Variants in L3MBTL4 observed in about 807,000 individuals in gnomAD.
The protein encoded by L3MBTL4 is L3MBTL histone methyl-lysine binding protein 4.
A neutral mutation model predicts 84.5 loss-of-function variants in L3MBTL4; 70 were observed. That is an observed-to-expected ratio of 0.83 (90% CI 0.68 to 1.01). The LOEUF (loss-of-function observed/expected upper bound fraction) is 1.01, where lower values mean the gene tolerates loss of function less well. L3MBTL4 is among the 50% of genes least tolerant of loss of function. The probability of loss-of-function intolerance (pLI) is 0.00; values close to 1 mark genes in which losing one functional copy is unlikely to be tolerated. For synonymous variants in L3MBTL4, 274 were observed against 259.8 expected, an observed-to-expected ratio of 1.05 and a Z score of -0.52; for missense variants, 715 against 754.8, an observed-to-expected ratio of 0.95 and a Z score of 0.62.
chr18:6,183,233 T>A (rs1020360185), intron 12 of L3MBTL4, among the ~76,000 whole-genome samples: 1 of 152,232 alleles, frequency 6.6e-6, no homozygotes, highest in African/African-American at 2.4e-5. Flanking sequence ...ACTACATGTC[T>A]GTGGGTGATA....
intron 10 of L3MBTL4, among the ~76,000 whole-genome samples, chr18:6,237,648 G>T (rs1354676788): frequency 3.3e-5 from 5 of 151,562 alleles, no homozygotes; most frequent in African/African-American, 7.3e-5. Flanking sequence ...TAGAGATGGG[G>T]TTTCACCATA....
intron 18 of L3MBTL4, among the ~76,000 whole-genome samples, chr18:5,959,406 C>T (rs1183309395): frequency 6.6e-6 from 1 of 152,192 alleles, no homozygotes; most frequent in Non-Finnish European, 1.5e-5. Flanking sequence ...TGGCAAGCCC[C>T]TGATACACAA....
chr18:5,960,816 C>CCATGCCCCCA (rs1159734462), intron 17 of L3MBTL4: 2 of 152,394 alleles, frequency 1.3e-5, no homozygotes, highest in East Asian at 3.8e-4. Flanking sequence ...CTCACCCTCA[C>CCATGCCCCCA]CATGCCCCCA....
intron 4 of L3MBTL4, among the ~76,000 whole-genome samples, chr18:6,280,042 A>C (rs1469262844): frequency 6.6e-6 from 1 of 152,230 alleles, no homozygotes; most frequent in East Asian, 1.9e-4. Flanking sequence ...AAATGTTTCA[A>C]ATAAATTCTT....
At chr18:6,177,574 G>A (rs930254735) in intron 12 of L3MBTL4, among the ~76,000 whole-genome samples, 3 of 152,180 alleles carry the variant, frequency 2.0e-5, no homozygotes, top group African/African-American at 4.8e-5. Context: ...ATCAAAATGC[G>A]TGCATGAAAT....
intron 14 of L3MBTL4, among the ~76,000 whole-genome samples, chr18:6,118,662 T>A (rs1231231246): frequency 6.6e-6 from 1 of 152,240 alleles, no homozygotes; most frequent in Non-Finnish European, 1.5e-5. Flanking sequence ...CAAACTCTTT[T>A]ACTTTTTCAC....
At chr18:6,279,611 T>C (rs1251902142) in intron 4 of L3MBTL4, among the ~76,000 whole-genome samples, 1 of 152,192 alleles carries the variant, frequency 6.6e-6, no homozygotes, top group African/African-American at 2.4e-5. Context: ...TTCCCACTGT[T>C]AACTGATTTC....
chr18:6,217,599 C>A (rs1333076978), intron 10 of L3MBTL4, among the ~76,000 whole-genome samples: 1 of 152,028 alleles, frequency 6.6e-6, no homozygotes, highest in Non-Finnish European at 1.5e-5. Context: ...CTGGTATATT[C>A]TTTTTAGTGA....
chr18:6,281,616 C>A (rs929016954), intron 4 of L3MBTL4, among the ~76,000 whole-genome samples: 2 of 152,292 alleles, frequency 1.3e-5, no homozygotes, highest in African/African-American at 4.8e-5. Context: ...TCTCAAGCAT[C>A]CTTTCTGTGT....
intron 1 of L3MBTL4, among the ~76,000 whole-genome samples, chr18:6,360,599 A>C (rs1026732294): frequency 6.6e-6 from 1 of 152,172 alleles, no homozygotes; most frequent in Non-Finnish European, 1.5e-5. Flanking sequence ...ACATTAGACC[A>C]CGAGATGGTG....
chr18:6,165,943 G>A (rs530957366), intron 13 of L3MBTL4, among the ~76,000 whole-genome samples: 64 of 152,118 alleles, frequency 4.2e-4, no homozygotes, highest in African/African-American at 1.3e-3. Flanking sequence ...CCCATCTCAC[G>A]TGCAGAGACA....
At chr18:6,322,501 G>GGAAA (rs1223121791) in intron 1 of L3MBTL4, among the ~76,000 whole-genome samples, 1 of 133,162 alleles carries the variant, frequency 7.5e-6, no homozygotes, top group African/African-American at 3.3e-5. Flanking sequence ...AAGGAAGGAA[G>GGAAA]GAAAGAAGGA....
chr18:6,379,078 G>A (rs2054492382), intron 1 of L3MBTL4, among the ~76,000 whole-genome samples: 1 of 152,030 alleles, frequency 6.6e-6, no homozygotes, highest in South Asian at 2.1e-4. Flanking sequence ...TCTCTTACTA[G>A]CAATTGTGAA....
At chr18:6,164,749 C>T (rs549427766) in intron 13 of L3MBTL4, among the ~76,000 whole-genome samples, 16 of 152,250 alleles carry the variant, frequency 1.1e-4, no homozygotes, top group Admixed American at 2.6e-4. Flanking sequence ...GCAGAAAAAC[C>T]GGAAACCCTA....
intron 16 of L3MBTL4, among the ~76,000 whole-genome samples, chr18:6,010,789 A>G (rs2054697629): frequency 6.6e-6 from 1 of 152,224 alleles, no homozygotes; most frequent in Non-Finnish European, 1.5e-5. Context: ...CTCACAAAAT[A>G]AAACATAGGA....
intron 16 of L3MBTL4, among the ~76,000 whole-genome samples, chr18:6,010,807 T>C (rs561842629): frequency 1.3e-5 from 2 of 152,202 alleles, no homozygotes; most frequent in South Asian, 4.1e-4. Flanking sequence ...GGATCTTCCC[T>C]GTGGGTTTAT....
chr18:6,362,190 A>AG (rs2053730318), intron 1 of L3MBTL4, among the ~76,000 whole-genome samples: 1 of 106,348 alleles, frequency 9.4e-6, no homozygotes, highest in African/African-American at 4.0e-5. Context: ...GAAGGAAGGA[A>AG]GGAAGGGAGG....
intron 1 of L3MBTL4, among the ~76,000 whole-genome samples, chr18:6,322,164 G>A (rs34894932): frequency 0.03 from 4,557 of 151,906 alleles, 96 homozygotes; most frequent in Non-Finnish European, 0.044. Context: ...CAAGACCAGC[G>A]TGGGCAACAC....
In L3MBTL4 at chr18:6,071,347, C is replaced by T. The variant is rs1197614928; in HGVS notation, c.1444+9534G>A. 2.7e-5 allele frequency among the ~76,000 whole-genome samples: 4 copies of T among 148,198 alleles called. No individual in the cohort carries two copies. In the East Asian group the frequency reaches 8.0e-4, roughly 30 times the overall value. On this transcript the variant is annotated intron_variant, in intron 16 of 18. Coordinates refer to ENST00000317931, the MANE Select transcript of L3MBTL4 (RefSeq NM_001330559.2). ...TGGAGGTTGCAGGAAGCCAGGATTACACCACTGCACTTCAGCTGGGAGACA... is the reference window on the plus strand; with the variant it reads ...TGGAGGTTGCAGGAAGCCAGGATTATACCACTGCACTTCAGCTGGGAGACA...
Sources: allele counts gnomAD v4.1 joint callset (sites outside exome capture counted in the v4.1 genomes callset), GRCh38; gene constraint gnomAD v4.1.1; transcripts MANE v1.5; gene names NCBI Gene and HGNC (gene_info 2026-07-23, HGNC 2026-07-21).